PKLR: variants seen among roughly 807,000 people sequenced by gnomAD.
The protein encoded by PKLR is pyruvate kinase PKLR.
In PKLR, 38 loss-of-function variants were observed where a neutral mutation model predicts 53.6. The ratio of observed to expected loss-of-function variants is 0.71; its 90% CI spans 0.55 to 0.93. The LOEUF (loss-of-function observed/expected upper bound fraction) is 0.93, where lower values mean the gene tolerates loss of function less well. Ranked by LOEUF, PKLR falls within the 40% of genes least tolerant of loss-of-function variation. The probability of loss-of-function intolerance (pLI) is 0.00; values close to 1 mark genes in which losing one functional copy is unlikely to be tolerated. For missense variants in PKLR, 702 were observed against 787.3 expected (o/e 0.89, Z 1.30); for synonymous variants, 328 against 316.2 (o/e 1.04, Z -0.39).
intron 2 of PKLR, among the ~76,000 whole-genome samples, chr1:155,299,449 A>G (rs1647853753): frequency 6.8e-6 from 1 of 147,886 alleles, no homozygotes; most frequent in Non-Finnish European, 1.5e-5. Context: ...TTGGCCTCCT[A>G]AAGTGCTGGG....
intron 7 of PKLR, 31 bp downstream of exon 7, chr1:155,294,204 G>A: frequency 3.7e-6 from 6 of 1,613,534 alleles, no homozygotes; most frequent in Non-Finnish European, 5.1e-6. Context: ...AAAACCCACA[G>A]AGTGCCGAAC....
chr1:155,294,089 C>A (rs1319984637), intron 7 of PKLR, 146 bp downstream of exon 7: 2 of 898,506 alleles, frequency 2.2e-6, no homozygotes. Context: ...GCGGAGATTG[C>A]GCCACTGCAC....
rs760067769 is a variant in PKLR, at chr1:155,300,293, G to A, written c.101-13C>T. ...TACCCCGCTGGCCCTGTGGTAGAAG[G>A]GGGCTCAGGGACTGCATGTCACCTG... On this transcript the variant is annotated splice_polypyrimidine_tract_variant and intron_variant, in intron 1 of 10. Transcript: ENST00000342741. 1.9e-6 allele frequency: 3 copies of A among 1,568,012 alleles called. No homozygotes were observed. The highest frequency in any genetic ancestry group is 2.6e-6 in the Non-Finnish European group (3 of 1,157,134).
chr1:155,299,007 T>TTTCTTTCTTTCTTTC (rs1647795429), intron 2 of PKLR, among the ~76,000 whole-genome samples: 3 of 100,722 alleles, frequency 3.0e-5, no homozygotes, highest in Admixed American at 9.5e-5. Flanking sequence ...TCTTTCTTTC[T>TTTCTTTCTTTCTTTC]TTCTTTCTTT....
In PKLR at chr1:155,295,775, G is replaced by A. The variant is rs373954733; in HGVS notation, c.284-19C>T. Reference sequence around the variant, plus strand: ...GCTGGCCCTAGAACCAGAGATTCACGTTCAGACAACGTTCCCCCAGAACAT... The same window carrying A: ...GCTGGCCCTAGAACCAGAGATTCACATTCAGACAACGTTCCCCCAGAACAT... On this transcript the variant is annotated intron_variant, in intron 2 of 10. Coordinates refer to ENST00000342741, the MANE Select transcript of PKLR (RefSeq NM_000298.6). The surrounding 1 kb of genome is among the most constrained non-coding windows in gnomAD (Gnocchi z 4.3). The A allele has an allele frequency of 1.6e-5, 26 of 1,606,126 alleles. No homozygotes were observed. The highest frequency in any genetic ancestry group is 1.2e-4 in the South Asian group (11 of 90,954).
At chr1:155,299,687 G>A (rs562116134) in intron 2 of PKLR, among the ~76,000 whole-genome samples, 1 of 150,350 alleles carries the variant, frequency 6.7e-6, no homozygotes, top group South Asian at 2.1e-4. Context: ...TGTATTTTTA[G>A]TAGAGACGGG....
At position 155,295,236 on chromosome 1, in the gene PKLR, G is replaced by A. The variant is rs1242775292; in HGVS notation, c.574C>T (p.Arg192Trp). Residue 192 changes from arginine to tryptophan, a missense_variant, in exon 5 of 11, where the codon CGG becomes TGG. By Grantham distance (101) the Arg-to-Trp change is moderately radical. Transcript: ENST00000342741. The surrounding 1 kb of genome is among the most constrained non-coding windows in gnomAD (Gnocchi z 4.3). ...QVLVTVDPAFRTRGNANTVWV... is the reference protein window; with the variant it reads ...QVLVTVDPAFWTRGNANTVWV... ...ACGGTGTTCGCGTTCCCCCGCGTCC[G>A]GAACGCGGGGTCCACAGTCACCAGC... 3 of 1,613,856 alleles carry A rather than the reference G, an allele frequency of 1.9e-6. No homozygotes were observed. The highest frequency in any genetic ancestry group is 2.5e-6 in the Non-Finnish European group (3 of 1,179,922).
intron 5 of PKLR, 56 bp from the exon 6 acceptor site, chr1:155,294,808 A>C: frequency 6.2e-7 from 1 of 1,602,554 alleles, no homozygotes; most frequent in Non-Finnish European, 8.5e-7. Flanking sequence ...GCACAGTTGC[A>C]GCAGAGAGGA....
In PKLR at chr1:155,293,114, G is replaced by T; in HGVS notation, c.1436+63C>A. ...GGTGACCAGACTAAACCCAAGCCTG[G>T]GGCCCGTCCCAGCCCACCCCTGACC... On this transcript the variant is annotated intron_variant, in intron 9 of 10. Coordinates refer to ENST00000342741, the MANE Select transcript of PKLR (RefSeq NM_000298.6). This position sits in a 1 kb window ranked among gnomAD's most constrained non-coding sequence, Gnocchi z 4.2. The T allele has an allele frequency of 6.5e-7, 1 of 1,542,022 alleles. No individual in the cohort carries two copies. Among genetic ancestry groups the T allele is most frequent in the Non-Finnish European group, 9.0e-7 (1 of 1,114,348 alleles).
chr1:155,290,984 T>C (rs1369003056), intron 10 of PKLR, among the ~76,000 whole-genome samples: 1 of 128,300 alleles, frequency 7.8e-6, no homozygotes, highest in East Asian at 2.2e-4. Flanking sequence ...CAAGACTCCA[T>C]CTCAAAATAA....
chr1:155,296,118 C>A (rs1052642215), intron 2 of PKLR, among the ~76,000 whole-genome samples: 1 of 152,104 alleles, frequency 6.6e-6, no homozygotes, highest in Non-Finnish European at 1.5e-5. Context: ...CGTTTGGGTG[C>A]GGGCTTTTAG....
chr1:155,302,509 T>G (rs1648077907), upstream of PKLR, among the ~76,000 whole-genome samples: 1 of 152,038 alleles, frequency 6.6e-6, no homozygotes. Flanking sequence ...AGTGCTGGGA[T>G]TACAGGTGTG....
At chr1:155,298,953 C>CT (rs1553231289) in intron 2 of PKLR, among the ~76,000 whole-genome samples, 23 of 103,932 alleles carry the variant, frequency 2.2e-4, no homozygotes, top group African/African-American at 6.5e-4. Flanking sequence ...AACTTTCACT[C>CT]CTTTCTTTCT....
At position 155,295,182 on chromosome 1, in the gene PKLR, C is replaced by T; in HGVS notation, c.628G>A (p.Val210Ile). The stretch of plus-strand genomic sequence containing the variant: ...TAGATGCGGCCCCCCACCGGCACGA[C>T]CCGGACAATATTGGGGTAGTCCACC... The part of the protein sequence containing the change: ...VWVDYPNIVR[V>I]VPVGGRIYID... The change falls in exon 5 of 11, where the codon GTC (valine) becomes ATC (isoleucine). Residue 210 changes from valine to isoleucine, a missense_variant. Physicochemically the swap from Val to Ile is conservative, Grantham distance 29. Transcript: ENST00000342741. This position sits in a 1 kb window ranked among gnomAD's most constrained non-coding sequence, Gnocchi z 4.3. 6.2e-7 allele frequency: 1 copy of T among 1,614,120 alleles called. No individual in the cohort carries two copies. The highest frequency in any genetic ancestry group is 8.5e-7 in the Non-Finnish European group (1 of 1,179,980).
chr1:155,294,180 C>A, intron 7 of PKLR, 55 bp downstream of exon 7: 1 of 1,583,868 alleles, frequency 6.3e-7, no homozygotes, highest in Non-Finnish European at 8.7e-7. Flanking sequence ...GGGTATTCAC[C>A]CACAGGTGTC....
At chr1:155,294,887 T>G in intron 5 of PKLR, 135 bp from the exon 6 acceptor site, 1 of 1,245,928 alleles carries the variant, frequency 8.0e-7, no homozygotes, top group Non-Finnish European at 1.1e-6. Flanking sequence ...TGTTCTGGGC[T>G]TCGCCCGGAA....
chr1:155,304,211 T>TC (rs1648169951), upstream of PKLR, among the ~76,000 whole-genome samples: 1 of 152,012 alleles, frequency 6.6e-6, no homozygotes, highest in Admixed American at 6.6e-5. Context: ...GGCAGGCGGA[T>TC]CACCTGAGGT....
At chr1:155,294,422 G>C (rs1647423883) in intron 6 of PKLR, 37 bp from the exon 7 acceptor site, 2 of 1,614,096 alleles carry the variant, frequency 1.2e-6, no homozygotes, top group African/African-American at 2.7e-5. Flanking sequence ...AGGCAGGCAG[G>C]AGAAGAAAGG....
At chr1:155,291,259 A>G (rs1674528558) in intron 10 of PKLR, among the ~76,000 whole-genome samples, 1 of 152,016 alleles carries the variant, frequency 6.6e-6, no homozygotes, top group South Asian at 2.1e-4. Flanking sequence ...GCACTCTGGG[A>G]GTCCGAGGCG....
Sources: gnomAD v4.1 joint callset for allele counts (sites outside exome capture counted in the v4.1 genomes callset) on GRCh38, gnomAD v4.1.1 for gene constraint, Gnocchi (gnomAD v3.1) non-coding constraint, MANE v1.5 for transcripts, NCBI Gene and HGNC (gene_info 2026-07-23, HGNC 2026-07-21) for gene names.